Variants in MRPS28 observed in about 807,000 individuals in gnomAD.
The protein encoded by MRPS28 is mitochondrial ribosomal protein S28, also known as small ribosomal subunit protein bS1m.
Under a neutral mutation model 10.8 loss-of-function variants are expected in MRPS28, and 7 were observed. The observed-to-expected ratio is 0.65, with a 90% CI of 0.37 to 1.22. The LOEUF (loss-of-function observed/expected upper bound fraction) is 1.22, where lower values mean the gene tolerates loss of function less well. Ranked by LOEUF, MRPS28 falls within the 50% of genes most tolerant of loss-of-function variation. The pLI is 0.02. For synonymous variants in MRPS28, 121 were observed against 93.3 expected, an observed-to-expected ratio of 1.30 and a Z score of -1.71; for missense variants, 265 against 232.9, an observed-to-expected ratio of 1.14 and a Z score of -0.90.
At chr8:79,992,191 A>G (rs2130124951) in intron 2 of MRPS28, among the ~76,000 whole-genome samples, 1 of 152,336 alleles carries the variant, frequency 6.6e-6, no homozygotes. Flanking sequence ...TTGAGCCAGA[A>G]TCATCTAGCT....
intron 2 of MRPS28, among the ~76,000 whole-genome samples, chr8:79,954,141 G>A (rs1807145684): frequency 6.6e-6 from 1 of 152,012 alleles, no homozygotes; most frequent in South Asian, 2.1e-4. Flanking sequence ...TATTTGGGAG[G>A]CTGAGGCAGG....
chr8:79,958,318 T>G, intron 2 of MRPS28: 1 of 687,600 alleles, frequency 1.5e-6, no homozygotes, highest in Non-Finnish European at 2.6e-6. Context: ...GGTTCATCCA[T>G]GTTGTATTAC....
intron 2 of MRPS28, chr8:79,957,094 G>A (rs1464860546): frequency 6.6e-6 from 1 of 152,024 alleles, no homozygotes; most frequent in Non-Finnish European, 1.5e-5. Context: ...TTCTCCCCTT[G>A]CCCCTGTGCC....
At chr8:80,020,758 T>C (rs954478678) in intron 1 of MRPS28, among the ~76,000 whole-genome samples, 5 of 152,132 alleles carry the variant, frequency 3.3e-5, no homozygotes, top group Admixed American at 6.5e-5. Context: ...GGGGAGATTG[T>C]TCGTAAAAAG....
At chr8:79,926,644 A>G (rs1387201477) in intron 2 of MRPS28, among the ~76,000 whole-genome samples, 1 of 152,224 alleles carries the variant, frequency 6.6e-6, no homozygotes, top group Non-Finnish European at 1.5e-5. Flanking sequence ...AAAATAAATG[A>G]CAGGAGAGCA....
chr8:80,005,375 C>T (rs562362076), intron 1 of MRPS28, among the ~76,000 whole-genome samples: 2 of 152,224 alleles, frequency 1.3e-5, no homozygotes, highest in Non-Finnish European at 1.5e-5. Context: ...AATTTCATAT[C>T]CAGCCAAACT....
intron 2 of MRPS28, among the ~76,000 whole-genome samples, chr8:79,992,764 T>G (rs74673629): frequency 0.024 from 3,650 of 152,326 alleles, 76 homozygotes; most frequent in Non-Finnish European, 0.037. Flanking sequence ...GAGAAGCTAC[T>G]TTAGCTCACA....
chr8:79,959,294 G>A (rs1807309071), intron 2 of MRPS28, among the ~76,000 whole-genome samples: 1 of 151,992 alleles, frequency 6.6e-6, no homozygotes, highest in Non-Finnish European at 1.5e-5. Context: ...CTGAGAGCTA[G>A]AGATCTTTAT....
intron 1 of MRPS28, among the ~76,000 whole-genome samples, chr8:80,015,491 T>C (rs182018709): frequency 5.3e-5 from 8 of 152,256 alleles, no homozygotes; most frequent in Non-Finnish European, 7.4e-5. Context: ...GTGCAGTTCA[T>C]AGTCCAGAGG....
intron 2 of MRPS28, among the ~76,000 whole-genome samples, chr8:79,990,288 C>T (rs1328286507): frequency 2.0e-5 from 3 of 152,132 alleles, no homozygotes; most frequent in Non-Finnish European, 2.9e-5. Context: ...GGGCTAGAAA[C>T]CTTTAGCATG....
intron 2 of MRPS28, among the ~76,000 whole-genome samples, chr8:79,930,153 AG>A (rs1806423891): frequency 6.6e-6 from 1 of 152,240 alleles, no homozygotes; most frequent in Non-Finnish European, 1.5e-5. Context: ...CTGAAGCTAA[AG>A]ATTATTCTGG....
At chr8:79,943,907 T>C (rs891293599) in intron 2 of MRPS28, among the ~76,000 whole-genome samples, 23 of 152,188 alleles carry the variant, frequency 1.5e-4, no homozygotes, top group African/African-American at 4.6e-4. Context: ...GATAGTGTGA[T>C]GTGAGCAAAA....
chr8:80,030,236 A>G lies in MRPS28; in HGVS notation c.13T>C (p.Cys5Arg), dbSNP rs756512452. ...TCGGCAGCCACAGCACGGGTCCGAC[A>G]CAGCGCCGCCATGACTTCTTTACCT... MAAL[C>R]RTRAVAAESH... Residue 5 changes from cysteine to arginine, a missense_variant, in exon 1 of 3, where the codon TGT (cysteine) becomes CGT (arginine). Coordinates refer to ENST00000276585, the MANE Select transcript of MRPS28 (RefSeq NM_014018.3). 5.6e-6 allele frequency: 9 copies of G among 1,614,000 alleles called. No individual in the cohort carries two copies. Among genetic ancestry groups the G allele is most frequent in the South Asian group, 3.3e-5 (3 of 91,086 alleles).
At chr8:79,994,071 C>T (rs1808433371) in intron 2 of MRPS28, among the ~76,000 whole-genome samples, 1 of 152,152 alleles carries the variant, frequency 6.6e-6, no homozygotes, top group Admixed American at 6.5e-5. Context: ...AGAGACAATG[C>T]TTTAAAAGAC....
chr8:80,015,610 T>C (rs1253714635), intron 1 of MRPS28, among the ~76,000 whole-genome samples: 3 of 152,180 alleles, frequency 2.0e-5, no homozygotes, highest in African/African-American at 7.2e-5. Flanking sequence ...CCATTCCTTT[T>C]ACCCAATACA....
At chr8:79,970,708 G>A (rs1339350383) in intron 2 of MRPS28, among the ~76,000 whole-genome samples, 2 of 152,162 alleles carry the variant, frequency 1.3e-5, no homozygotes, top group African/African-American at 4.8e-5. Context: ...AACCTACAGT[G>A]GGTGGCATGA....
In MRPS28 at chr8:79,928,978, G is replaced by A. The variant is rs141396082; in HGVS notation, c.396-9830C>T. On this transcript the variant is annotated intron_variant, in intron 2 of 2. Coordinates refer to ENST00000276585, the MANE Select transcript of MRPS28 (RefSeq NM_014018.3). ...GGAGAATCGCTTGAACCCAGGAGGC[G>A]GAGATTGCAGTTAGCCGAGATTTTG... Among the ~76,000 whole-genome samples the A allele has an allele frequency of 8.7e-3, 1,331 of 152,174 alleles. 27 individuals carry two copies. Among genetic ancestry groups the A allele is most frequent in the African/African-American group, 0.03 (1,265 of 41,552 alleles).
At chr8:80,027,312 A>G (rs1214478161) in intron 1 of MRPS28, among the ~76,000 whole-genome samples, 1 of 152,210 alleles carries the variant, frequency 6.6e-6, no homozygotes, top group Non-Finnish European at 1.5e-5. Context: ...CAGTTGAAGC[A>G]TTATCTCCAC....
chr8:79,952,394 T>C (rs1366992383), intron 2 of MRPS28, among the ~76,000 whole-genome samples: 1 of 152,172 alleles, frequency 6.6e-6, no homozygotes, highest in African/African-American at 2.4e-5. Context: ...CTGAAAATAA[T>C]GTAAGTGAAG....
Sources: allele counts gnomAD v4.1 joint callset (sites outside exome capture counted in the v4.1 genomes callset), GRCh38; gene constraint gnomAD v4.1.1; transcripts MANE v1.5; gene names NCBI Gene and HGNC (gene_info 2026-07-23, HGNC 2026-07-21).